SEC24B: variants seen among roughly 807,000 people sequenced by gnomAD.
SEC24B encodes SEC24 homolog B, COPII component.
SEC24B carries 45 observed loss-of-function variants against 142.8 expected under a neutral mutation model. The ratio of observed to expected loss-of-function variants is 0.32; its 90% CI spans 0.25 to 0.40. SEC24B has a LOEUF of 0.40. Ranked by LOEUF, SEC24B falls within the 10% of genes least tolerant of loss-of-function variation. SEC24B has a pLI of 1.00. For missense variants in SEC24B, 1,409 were observed against 1,526.8 expected (o/e 0.92, Z 1.29); for synonymous variants, 574 against 568.2 (o/e 1.01, Z -0.15).
intron 2 of SEC24B, among the ~76,000 whole-genome samples, chr4:109,471,260 A>G (rs1732496122): frequency 6.6e-6 from 1 of 151,918 alleles, no homozygotes; most frequent in Non-Finnish European, 1.5e-5. Flanking sequence ...CTCCCACCTC[A>G]GCCTCACCAG....
At chr4:109,483,684 A>C (rs1327007748) in intron 4 of SEC24B, among the ~76,000 whole-genome samples, 3 of 152,226 alleles carry the variant, frequency 2.0e-5, no homozygotes, top group Non-Finnish European at 4.4e-5. Flanking sequence ...TGCATTTAAA[A>C]ATATTTAAAT....
At position 109,526,345 on chromosome 4, in the gene SEC24B, A is replaced by G. The variant is rs980212378; in HGVS notation, c.2911A>G (p.Thr971Ala). ...AVQLSIEESL[T>A]DTSLVCFQTA... ...GCAGTTGTCAATTGAAGAAAGTTTA[A>G]CAGATACTTCCTTAGTATGTTTTCA... Residue 971 changes from threonine to alanine, a missense_variant, in exon 17 of 24, where the codon ACA becomes GCA. Physicochemically the swap from Thr to Ala is moderately conservative, Grantham distance 58. Coordinates refer to ENST00000265175, the MANE Select transcript of SEC24B (RefSeq NM_006323.5). 4.3e-6 allele frequency: 7 copies of G among 1,613,862 alleles called. No homozygotes were observed. In the Admixed American group the frequency reaches 1.2e-4, roughly 27 times the overall value.
At chr4:109,457,652 G>A (rs1230877322) in intron 1 of SEC24B, among the ~76,000 whole-genome samples, 2 of 151,990 alleles carry the variant, frequency 1.3e-5, no homozygotes, top group Non-Finnish European at 2.9e-5. Context: ...TTAAACCATA[G>A]CAGTCATGCT....
intron 7 of SEC24B, among the ~76,000 whole-genome samples, chr4:109,509,728 G>A (rs969723701): frequency 6.8e-6 from 1 of 146,846 alleles, no homozygotes; most frequent in Non-Finnish European, 1.5e-5. Context: ...TATGTTTTCT[G>A]TGTGCTCCTA....
chr4:109,514,867 A>C (rs1324370679), intron 10 of SEC24B, among the ~76,000 whole-genome samples: 2 of 152,052 alleles, frequency 1.3e-5, no homozygotes, highest in African/African-American at 4.8e-5. Flanking sequence ...TTTTGTGTCT[A>C]ATTTGGCATA....
At chr4:109,463,771 G>T (rs1475000255) in intron 2 of SEC24B, 127 bp downstream of exon 2, 2 of 1,408,032 alleles carry the variant, frequency 1.4e-6, no homozygotes, top group African/African-American at 1.4e-5. Context: ...CTAATTTATT[G>T]TGGCTTTTTG....
chr4:109,486,442 T>G (rs1190907439), intron 4 of SEC24B, among the ~76,000 whole-genome samples: 3 of 152,236 alleles, frequency 2.0e-5, no homozygotes, highest in Non-Finnish European at 4.4e-5. Context: ...AATTGCTTTC[T>G]GATACTCTTC....
chr4:109,441,945 T>G (rs1561057247), intron 1 of SEC24B, among the ~76,000 whole-genome samples: 2 of 152,280 alleles, frequency 1.3e-5, no homozygotes, highest in Admixed American at 1.3e-4. Flanking sequence ...AGAAAACATT[T>G]CTCTCAGAGC....
chr4:109,507,879 A>G (rs1050181750), intron 7 of SEC24B, among the ~76,000 whole-genome samples: 1 of 152,080 alleles, frequency 6.6e-6, no homozygotes, highest in East Asian at 1.9e-4. Flanking sequence ...TCCCGACCTC[A>G]GGTGATCCGC....
chr4:109,442,935 A>G (rs963934802), intron 1 of SEC24B, among the ~76,000 whole-genome samples: 3 of 152,100 alleles, frequency 2.0e-5, no homozygotes, highest in African/African-American at 7.2e-5. Context: ...TTTTTTCCCT[A>G]TAAAATGGCT....
chr4:109,504,541 A>C (rs969643891), intron 6 of SEC24B, among the ~76,000 whole-genome samples: 15 of 151,966 alleles, frequency 9.9e-5, no homozygotes, highest in African/African-American at 3.6e-4. Context: ...TTTTCTATGG[A>C]TTGGGAGTTA....
intron 6 of SEC24B, 123 bp downstream of exon 6, chr4:109,494,979 C>G (rs1735390919): frequency 2.6e-6 from 3 of 1,132,882 alleles, no homozygotes; most frequent in Middle Eastern, 2.9e-4. Flanking sequence ...CAGCCTAGAT[C>G]AAACATACAT....
chr4:109,447,762 C>A (rs552925572), intron 1 of SEC24B, among the ~76,000 whole-genome samples: 2 of 152,254 alleles, frequency 1.3e-5, no homozygotes, highest in African/African-American at 4.8e-5. Context: ...GCATTGTTTT[C>A]TATTTACTGC....
chr4:109,534,662 C>T (rs759724742), intron 22 of SEC24B, among the ~76,000 whole-genome samples: 11 of 152,158 alleles, frequency 7.2e-5, no homozygotes, highest in South Asian at 2.1e-4. Flanking sequence ...AATCTGAAAG[C>T]GCAAATATAA....
At chr4:109,498,619 C>G (rs1472802414) in intron 6 of SEC24B, among the ~76,000 whole-genome samples, 1 of 152,198 alleles carries the variant, frequency 6.6e-6, no homozygotes, top group Non-Finnish European at 1.5e-5. Flanking sequence ...CCGCCTTGGC[C>G]TCCCAAAGTG....
At chr4:109,449,609 A>C (rs371799846) in intron 1 of SEC24B, 11 of 434,146 alleles carry the variant, frequency 2.5e-5, no homozygotes, top group Non-Finnish European at 4.6e-5. Context: ...AGGGCCCTCT[A>C]TCCACCTTGT....
At chr4:109,453,287 A>G (rs1274788928) in intron 1 of SEC24B, among the ~76,000 whole-genome samples, 2 of 152,144 alleles carry the variant, frequency 1.3e-5, no homozygotes, top group Non-Finnish European at 2.9e-5. Context: ...ACATCTTAAC[A>G]TGGTTCAAGA....
intron 1 of SEC24B, among the ~76,000 whole-genome samples, chr4:109,461,191 T>G (rs1578800765): frequency 1.3e-5 from 2 of 152,312 alleles, no homozygotes; most frequent in Middle Eastern, 6.8e-3. Flanking sequence ...TTAACTACTG[T>G]AAACTAAAGT....
intron 5 of SEC24B, among the ~76,000 whole-genome samples, chr4:109,493,365 C>T (rs891520961): frequency 1.3e-5 from 2 of 151,978 alleles, no homozygotes; most frequent in East Asian, 1.9e-4. Flanking sequence ...GGATATCTTA[C>T]GAACTAAAAT....
Sources: allele counts gnomAD v4.1 joint callset (sites outside exome capture counted in the v4.1 genomes callset), GRCh38; gene constraint gnomAD v4.1.1; transcripts MANE v1.5; gene names NCBI Gene and HGNC (gene_info 2026-07-23, HGNC 2026-07-21).